Variants in GRM8 observed in about 807,000 individuals in gnomAD.
GRM8 encodes glutamate metabotropic receptor 8, also known as metabotropic glutamate receptor 8.
In GRM8, 47 loss-of-function variants were observed where a neutral mutation model predicts 87.2. That is an observed-to-expected ratio of 0.54 (90% CI 0.43 to 0.69). GRM8 has a LOEUF of 0.69. Ranked by LOEUF, GRM8 falls within the 30% of genes least tolerant of loss-of-function variation. The pLI, the probability that GRM8 is intolerant of heterozygous loss-of-function variation, is 0.00. For synonymous variants in GRM8, 396 were observed against 404.5 expected, an observed-to-expected ratio of 0.98 and a Z score of 0.25; for missense variants, 1,019 against 1,139.2, an observed-to-expected ratio of 0.89 and a Z score of 1.52.
chr7:126,858,920 C>G (rs1449764327), intron 6 of GRM8, among the ~76,000 whole-genome samples: 1 of 152,142 alleles, frequency 6.6e-6, no homozygotes, highest in African/African-American at 2.4e-5. Context: ...TACCTGAGGC[C>G]TCTGCCTTGT....
At chr7:126,530,982 TA>T (rs1324590041) in intron 9 of GRM8, among the ~76,000 whole-genome samples, 1 of 152,164 alleles carries the variant, frequency 6.6e-6, no homozygotes, top group Admixed American at 6.5e-5. Context: ...CTAATTTTTT[TA>T]TTTTTATTAT....
Position 126,827,253 on chromosome 7 carries a change from A to G in GRM8, c.1157-57188T>C, listed in dbSNP as rs889528722. ...AGTAGTTTTTTCCAATTCTGTGAAG[A>G]AAGTCATTGGTAGCTTGATGGGGAT... On this transcript the variant is annotated intron_variant, in intron 6 of 10. Coordinates refer to ENST00000339582, the MANE Select transcript of GRM8 (RefSeq NM_000845.3). Among the ~76,000 whole-genome samples, 9 of 152,260 alleles carry G rather than the reference A, an allele frequency of 5.9e-5. No homozygotes were observed. In the East Asian group the frequency reaches 9.6e-4, roughly 16 times the overall value.
At chr7:126,712,375 G>T (rs1300774573) in intron 7 of GRM8, among the ~76,000 whole-genome samples, 1 of 152,040 alleles carries the variant, frequency 6.6e-6, no homozygotes, top group African/African-American at 2.4e-5. Flanking sequence ...CTGATCACAG[G>T]TCACCATAAG....
chr7:126,807,617 T>A (rs1430673602), intron 6 of GRM8, among the ~76,000 whole-genome samples: 1 of 152,072 alleles, frequency 6.6e-6, no homozygotes, highest in Non-Finnish European at 1.5e-5. Context: ...CACTCTTCCA[T>A]CATCTCCTCC....
At chr7:127,153,589 G>C (rs549238928) in intron 2 of GRM8, among the ~76,000 whole-genome samples, 91 of 152,122 alleles carry the variant, frequency 6.0e-4, no homozygotes, top group Non-Finnish European at 1.2e-3. Flanking sequence ...GGTAGAGCAA[G>C]TTAATTGGGA....
intron 3 of GRM8, among the ~76,000 whole-genome samples, chr7:127,015,180 A>AG (rs1378964997): frequency 2.1e-3 from 126 of 61,312 alleles, no homozygotes; most frequent in African/African-American, 3.0e-3. Context: ...GAGAAGGAGA[A>AG]GAAGAAGAAG....
At chr7:126,537,328 T>C (rs1405604352) in intron 8 of GRM8, among the ~76,000 whole-genome samples, 1 of 152,196 alleles carries the variant, frequency 6.6e-6, no homozygotes, top group East Asian at 1.9e-4. Context: ...TGTTAAACTA[T>C]GCTGTGAATT....
At chr7:127,185,133 GT>G (rs1291462047) in intron 2 of GRM8, among the ~76,000 whole-genome samples, 8 of 151,998 alleles carry the variant, frequency 5.3e-5, no homozygotes, top group Admixed American at 5.2e-4. Flanking sequence ...ATCCATTTAA[GT>G]TTTAAACCTA....
chr7:126,742,393 G>A (rs1815111272), intron 7 of GRM8, among the ~76,000 whole-genome samples: 1 of 151,920 alleles, frequency 6.6e-6, no homozygotes, highest in Admixed American at 6.6e-5. Context: ...CAAGTTTTAG[G>A]ACTGCAAAGC....
chr7:126,587,299 C>A (rs1252745257), intron 8 of GRM8, among the ~76,000 whole-genome samples: 3 of 152,172 alleles, frequency 2.0e-5, no homozygotes, highest in Non-Finnish European at 4.4e-5. Context: ...ACTAGAAATA[C>A]CATTTGACCC....
At chr7:126,450,345 G>T (rs764775205) in intron 9 of GRM8, among the ~76,000 whole-genome samples, 2 of 151,900 alleles carry the variant, frequency 1.3e-5, no homozygotes, top group East Asian at 3.9e-4. Flanking sequence ...TATGCCACGT[G>T]ATAAGAAACA....
At position 126,683,636 on chromosome 7, in the gene GRM8, C is replaced by T. The variant is rs7792683; in HGVS notation, c.1358-74138G>A. On this transcript the variant is annotated intron_variant, in intron 7 of 10. Coordinates refer to ENST00000339582, the MANE Select transcript of GRM8 (RefSeq NM_000845.3). The stretch of plus-strand genomic sequence containing the variant: ...CTTACTGAAGGTCAAGTATATATTG[C>T]ATTAATTAAATAAAATCCAATGCTC... Among the ~76,000 whole-genome samples, 1,121 of 152,250 alleles carry T rather than the reference C, an allele frequency of 7.4e-3. 20 individuals carry two copies. The highest frequency in any genetic ancestry group is 0.025 in the African/African-American group (1,059 of 41,542).
chr7:126,467,020 G>C (rs1804575100), intron 9 of GRM8, among the ~76,000 whole-genome samples: 1 of 151,826 alleles, frequency 6.6e-6, no homozygotes, highest in Non-Finnish European at 1.5e-5. Flanking sequence ...TATACTTTAA[G>C]TTTGGGTATA....
chr7:126,465,488 T>G (rs1042101732), intron 9 of GRM8, among the ~76,000 whole-genome samples: 2 of 151,938 alleles, frequency 1.3e-5, no homozygotes, highest in Admixed American at 6.6e-5. Context: ...TCCATTTACT[T>G]AAGTCCTCTT....
At chr7:126,458,269 T>C (rs982346849) in intron 9 of GRM8, among the ~76,000 whole-genome samples, 59 of 151,360 alleles carry the variant, frequency 3.9e-4, no homozygotes, top group Non-Finnish European at 5.9e-5. Context: ...ACAGATATTA[T>C]CAGGTTTGAT....
At position 127,221,840 on chromosome 7, in the gene GRM8, C is replaced by T. The variant is rs532795911; in HGVS notation, c.510+20855G>A. 1.1e-3 allele frequency among the ~76,000 whole-genome samples: 163 copies of T among 152,220 alleles called. 5 individuals are homozygous for T. In the South Asian group the frequency reaches 0.033, roughly 31 times the overall value. On this transcript the variant is annotated intron_variant, in intron 2 of 10. Coordinates refer to ENST00000339582, the MANE Select transcript of GRM8 (RefSeq NM_000845.3). ...TCCCTCAGTCAGGAATATCCCTTGT[C>T]CCTTCCAGCCTAGAAGTCCACTCTT...
intron 7 of GRM8, among the ~76,000 whole-genome samples, 129 bp downstream of exon 7, chr7:126,769,708 ATTCAAAAGCAGGTGGAAAAACTCACACT>A (rs1818615674): frequency 6.6e-6 from 1 of 152,066 alleles, no homozygotes; most frequent in Non-Finnish European, 1.5e-5. Flanking sequence ...TATGTTTGAG[ATTCAAAAGCAGGTGGAAAAACTCACACT>A]TCTAATCAAA....
intron 2 of GRM8, among the ~76,000 whole-genome samples, chr7:127,113,484 C>G (rs1358507482): frequency 6.6e-6 from 1 of 151,398 alleles, no homozygotes; most frequent in Non-Finnish European, 1.5e-5. Flanking sequence ...GTTTTTTTCC[C>G]CCCTGCCAAA....
chr7:126,626,981 T>C (rs1477708080), intron 7 of GRM8, among the ~76,000 whole-genome samples: 1 of 152,242 alleles, frequency 6.6e-6, no homozygotes, highest in Non-Finnish European at 1.5e-5. Flanking sequence ...TTATATTGTC[T>C]TCCTAACCAT....
Sources: gnomAD v4.1 joint callset for allele counts (sites outside exome capture counted in the v4.1 genomes callset) on GRCh38, gnomAD v4.1.1 for gene constraint, MANE v1.5 for transcripts, NCBI Gene and HGNC (gene_info 2026-07-23, HGNC 2026-07-21) for gene names.